The following RIMBP2 variants were observed in gnomAD, a reference collection of about 807,000 sequenced individuals.
RIMBP2 encodes the protein RIMS-binding protein 2.
RIMBP2 carries 48 observed loss-of-function variants against 118.6 expected under a neutral mutation model. The ratio of observed to expected loss-of-function variants is 0.40; its 90% CI spans 0.32 to 0.51. The LOEUF is 0.51. Ranked by LOEUF, RIMBP2 falls within the 20% of genes least tolerant of loss-of-function variation. The pLI, the probability that RIMBP2 is intolerant of heterozygous loss-of-function variation, is 0.41. For missense variants in RIMBP2, 1,551 were observed against 1,768.3 expected (o/e 0.88, Z 2.20); for synonymous variants, 762 against 742.9 (o/e 1.03, Z -0.42).
chr12:130,615,257 T>TA (rs2060837391), intron 2 of RIMBP2, among the ~76,000 whole-genome samples: 2 of 90,114 alleles, frequency 2.2e-5, no homozygotes, highest in South Asian at 4.2e-4. Flanking sequence ...TAATTATGTA[T>TA]ATATACATAA....
intron 2 of RIMBP2, among the ~76,000 whole-genome samples, chr12:130,540,805 G>A (rs2054537418): frequency 6.6e-6 from 1 of 152,190 alleles, no homozygotes; most frequent in South Asian, 2.1e-4. Flanking sequence ...CGGTCTCAGT[G>A]AGTGGCTTTC....
rs2081380311 is a variant in RIMBP2 at position 130,475,838 on chromosome 12, A to C, written c.102+3074T>G. Among the ~76,000 whole-genome samples the C allele has an allele frequency of 6.6e-6, 1 of 152,082 alleles. No homozygotes were observed. Among genetic ancestry groups the C allele is most frequent in the Non-Finnish European group, 1.5e-5 (1 of 68,026 alleles). On this transcript the variant is annotated intron_variant, in intron 5 of 22. Coordinates refer to ENST00000690449, the MANE Select transcript of RIMBP2 (RefSeq NM_001393629.1). This position sits in a 1 kb window ranked among gnomAD's most constrained non-coding sequence, Gnocchi z 4.1. Reference sequence around the variant, plus strand: ...TTACGGAGCTCAAGGAGTTCAGCAGAAGTGCAGGTGTTGGTGAGGACAGAG... The same window carrying C: ...TTACGGAGCTCAAGGAGTTCAGCAGCAGTGCAGGTGTTGGTGAGGACAGAG...
chr12:130,484,997 A>C (rs1360007827), intron 4 of RIMBP2, among the ~76,000 whole-genome samples: 1 of 152,208 alleles, frequency 6.6e-6, no homozygotes, highest in Non-Finnish European at 1.5e-5. Context: ...AGGTGTTTTG[A>C]ATTTTCCTTG....
intron 2 of RIMBP2, among the ~76,000 whole-genome samples, chr12:130,591,972 C>T (rs1593944191): frequency 6.6e-6 from 1 of 152,186 alleles, no homozygotes; most frequent in East Asian, 1.9e-4. Context: ...ACGTCCCAGG[C>T]CTGGAGTCAG....
intron 1 of RIMBP2, among the ~76,000 whole-genome samples, chr12:130,715,190 G>C (rs1471528374): frequency 2.0e-5 from 3 of 152,174 alleles, no homozygotes. Flanking sequence ...TCTCCTTCAG[G>C]GCTCCTCCGT....
chr12:130,464,660 G>T (rs2080299421), intron 6 of RIMBP2, among the ~76,000 whole-genome samples: 1 of 152,240 alleles, frequency 6.6e-6, no homozygotes, highest in Admixed American at 6.5e-5. Flanking sequence ...TTAGGCCATT[G>T]CACCAGGGCA....
chr12:130,443,251 A>G (rs2078279371), intron 10 of RIMBP2, among the ~76,000 whole-genome samples: 1 of 152,078 alleles, frequency 6.6e-6, no homozygotes, highest in Non-Finnish European at 1.5e-5. Context: ...TGTGGCAAAA[A>G]AAAAAAAAAA....
intron 1 of RIMBP2, among the ~76,000 whole-genome samples, chr12:130,708,365 T>C (rs955001407): frequency 3.7e-4 from 56 of 152,074 alleles, no homozygotes; most frequent in African/African-American, 1.2e-3. Context: ...GATGGATGAA[T>C]TGGATGGTAG....
chr12:130,496,444 G>C (rs2049164787), intron 4 of RIMBP2, among the ~76,000 whole-genome samples: 1 of 152,068 alleles, frequency 6.6e-6, no homozygotes, highest in South Asian at 2.1e-4. Context: ...CATGAAAAAG[G>C]ACTAAACCAC....
intron 2 of RIMBP2, among the ~76,000 whole-genome samples, chr12:130,614,703 A>T (rs2060790688): frequency 1.3e-5 from 2 of 152,308 alleles, no homozygotes; most frequent in South Asian, 4.2e-4. Flanking sequence ...ACATCTTTTC[A>T]TGGTGGTCAA....
intron 2 of RIMBP2, among the ~76,000 whole-genome samples, chr12:130,571,053 G>C (rs888559513): frequency 6.6e-6 from 1 of 152,298 alleles, no homozygotes; most frequent in East Asian, 1.9e-4. Context: ...AATGTCACGA[G>C]AAAAAACGTG....
chr12:130,521,614 T>C (rs1295710277), intron 2 of RIMBP2, among the ~76,000 whole-genome samples: 3 of 152,288 alleles, frequency 2.0e-5, no homozygotes, highest in African/African-American at 4.8e-5. Context: ...ACTGACCACA[T>C]CTGAGTGCTA....
intron 1 of RIMBP2, among the ~76,000 whole-genome samples, chr12:130,646,983 C>T (rs929857486): frequency 2.0e-5 from 3 of 152,210 alleles, no homozygotes; most frequent in Admixed American, 6.5e-5. Flanking sequence ...GCAATTCTCA[C>T]GGGACAGACA....
At chr12:130,548,509 A>G (rs1410496972) in intron 2 of RIMBP2, among the ~76,000 whole-genome samples, 2 of 152,060 alleles carry the variant, frequency 1.3e-5, no homozygotes, top group East Asian at 3.9e-4. Context: ...TTAAAATTCC[A>G]TCTCTGATCT....
At chr12:130,516,750 G>C (rs936240842) in intron 3 of RIMBP2, among the ~76,000 whole-genome samples, 2 of 152,206 alleles carry the variant, frequency 1.3e-5, no homozygotes, top group Non-Finnish European at 2.9e-5. Flanking sequence ...TAGCAAGATG[G>C]ACAGGATGGC....
intron 2 of RIMBP2, among the ~76,000 whole-genome samples, chr12:130,530,703 T>G (rs1414327688): frequency 6.6e-6 from 1 of 152,216 alleles, no homozygotes. Context: ...TTGATTGCCT[T>G]TTTTTAAAAA....
intron 4 of RIMBP2, among the ~76,000 whole-genome samples, chr12:130,495,652 T>G (rs1269065669): frequency 6.6e-6 from 1 of 152,254 alleles, no homozygotes; most frequent in Non-Finnish European, 1.5e-5. Flanking sequence ...TCTGGCATGG[T>G]ACCTGGCTAT....
At chr12:130,663,582 GT>G (rs927387606) in intron 1 of RIMBP2, among the ~76,000 whole-genome samples, 6 of 151,842 alleles carry the variant, frequency 4.0e-5, no homozygotes, top group African/African-American at 1.5e-4. Context: ...ATGAAAAGAT[GT>G]TCAACTTCAC....
chr12:130,440,536 G>A (rs2078032438), intron 11 of RIMBP2, among the ~76,000 whole-genome samples: 1 of 152,138 alleles, frequency 6.6e-6, no homozygotes, highest in Non-Finnish European at 1.5e-5. Context: ...AGCCTCTCCT[G>A]AAGGCCCCGA....
Sources: gnomAD v4.1 joint callset for allele counts (sites outside exome capture counted in the v4.1 genomes callset) on GRCh38, gnomAD v4.1.1 for gene constraint, Gnocchi (gnomAD v3.1) non-coding constraint, MANE v1.5 for transcripts, NCBI Gene and HGNC (gene_info 2026-07-23, HGNC 2026-07-21) for gene names.